ZNF394: variants seen among roughly 807,000 people sequenced by gnomAD.
ZNF394 encodes the protein zinc finger protein 99.
A neutral mutation model predicts 21.8 loss-of-function variants in ZNF394; 19 were observed. That is an observed-to-expected ratio of 0.87 (90% CI 0.61 to 1.28). The LOEUF (loss-of-function observed/expected upper bound fraction) is 1.28. Among genes scored for constraint, ZNF394 ranks in the 50% most tolerant of loss-of-function variants. The pLI is 0.00. For synonymous variants in ZNF394, 294 were observed against 273.3 expected, an observed-to-expected ratio of 1.08 and a Z score of -0.75; for missense variants, 683 against 708.6, an observed-to-expected ratio of 0.96 and a Z score of 0.41.
At chr7:99,489,000 G>A (rs543206686), downstream of ZNF394, among the ~76,000 whole-genome samples, 101 of 147,282 alleles carry the variant, frequency 6.9e-4, no homozygotes, top group Non-Finnish European at 1.2e-3. Context: ...AGAGTTGTAA[G>A]TCAGCCCGGC....
rs767291882 is a variant in ZNF394 at position 99,499,975 on chromosome 7, T to C, written c.119A>G (p.Lys40Arg). 6.2e-7 allele frequency: 1 copy of C among 1,613,434 alleles called. No individual in the cohort carries two copies. The highest frequency in any genetic ancestry group is 8.5e-7 in the Non-Finnish European group (1 of 1,180,012). The part of the protein sequence containing the change: ...PSQRDGLLPV[K>R]VEEDSPGSWE... ...ACTTCCGGGTGAGTCTTCCTCCACTTTCACGGGCAAAAGTCCGTCGCGTTG... is the reference window on the plus strand; with the variant it reads ...ACTTCCGGGTGAGTCTTCCTCCACTCTCACGGGCAAAAGTCCGTCGCGTTG... Residue 40 changes from lysine to arginine, a missense_variant, in exon 1 of 3, where the codon AAA (lysine) becomes AGA (arginine). Physicochemically the swap from Lys to Arg is conservative, Grantham distance 26 (BLOSUM62 2). This residue lies in a region of ZNF394 where 402 missense variants were observed against 373.8 expected (regional missense o/e 1.08). Coordinates refer to ENST00000337673, the MANE Select transcript of ZNF394 (RefSeq NM_032164.4).
chr7:99,494,560 CCT>C lies in ZNF394; in HGVS notation c.653_654del (p.Gln218ArgfsTer16). The C allele has an allele frequency of 6.2e-7, 1 of 1,610,190 alleles. No homozygotes were observed. The highest frequency in any genetic ancestry group is 8.5e-7 in the Non-Finnish European group (1 of 1,179,098). ...MQQILEEAEP[Q>X]GQLQEAFQGK... ...CCCTGGAACGCTTCTTGTAGTTGCC[CCT>C]GTGGCTCCGCTTCTTCTAAAATTTG... On this transcript the variant is annotated frameshift_variant, in exon 3 of 3. Coordinates refer to ENST00000337673, the MANE Select transcript of ZNF394 (RefSeq NM_032164.4). LOFTEE classifies it low-confidence loss of function (END_TRUNC).
Position 99,499,924 on chromosome 7 carries a change from G to A in ZNF394, c.170C>T (p.Ser57Leu), listed in dbSNP as rs1306098241. 6.2e-7 allele frequency: 1 copy of A among 1,614,076 alleles called. No individual in the cohort carries two copies. Among genetic ancestry groups the A allele is most frequent in the Non-Finnish European group, 8.5e-7 (1 of 1,180,022 alleles). The change falls in exon 1 of 3, where the codon TCG (serine) becomes TTG (leucine). Residue 57 changes from serine (S) to leucine (L), a missense_variant. This residue lies in a region of ZNF394 where 402 missense variants were observed against 373.8 expected (regional missense o/e 1.08). Transcript: ENST00000337673. ...CAGTCGAGAAGTTTCGGGGTCCGGC[G>A]AAGCCGCGGGATAGTTGGGCTCCCA... The part of the protein sequence containing the change: ...GSWEPNYPAA[S>L]PDPETSRLHF...
In ZNF394 at chr7:99,493,966, G is replaced by A; in HGVS notation, c.1249C>T (p.Leu417=). 6.2e-7 allele frequency: 1 copy of A among 1,614,246 alleles called. No individual in the cohort carries two copies. The highest frequency in any genetic ancestry group is 8.5e-7 in the Non-Finnish European group (1 of 1,180,048). The part of the protein sequence containing the change: ...THTGEKPYTC[L]KCGERFRQNS... ...TGCCTGAAGCGCTCCCCACATTTCA[G>A]ACAGGTGTACGGCTTCTCGCCTGTG... The change falls in exon 3 of 3, where the codon CTG becomes TTG. Residue 417 remains leucine (L), a synonymous_variant. Transcript: ENST00000337673.
chr7:99,486,812 A>G, exon 2 of ZNF394: 1 of 1,614,254 alleles, frequency 6.2e-7, no homozygotes, highest in African/African-American at 1.3e-5. Context: ...GCAAAGTCTT[A>G]TGAATGCAGT....
intron 1 of ZNF394, chr7:99,487,030 G>C: frequency 6.2e-7 from 1 of 1,614,010 alleles, no homozygotes; most frequent in Non-Finnish European, 8.5e-7. Flanking sequence ...GTATCTTGTT[G>C]AACATAAGAG....
chr7:99,494,012 C>A lies in ZNF394; in HGVS notation c.1203G>T (p.Leu401=). ...CTGTGTGTGTCCTCTGGTGCTTGGT[C>A]AGGGCAGCACTCTGGCTGAAGCTTT... ...CGKSFSQSAA[L]TKHQRTHTGE... Residue 401 remains leucine, a synonymous_variant, in exon 3 of 3, where the codon CTG becomes CTT. Transcript: ENST00000337673. The A allele has an allele frequency of 6.2e-7, 1 of 1,614,042 alleles. No individual in the cohort carries two copies. The highest frequency in any genetic ancestry group is 1.1e-5 in the South Asian group (1 of 91,068).
chr7:99,489,707 T>C (rs1259866426), downstream of ZNF394, among the ~76,000 whole-genome samples: 1 of 152,214 alleles, frequency 6.6e-6, no homozygotes. Flanking sequence ...CCCTTCTGTT[T>C]CCACAATTAT....
In ZNF394 at chr7:99,499,763, G is replaced by A. The variant is rs201976086; in HGVS notation, c.331C>T (p.Gln111Ter). The A allele has an allele frequency of 6.2e-7, 1 of 1,614,156 alleles. No individual in the cohort carries two copies. The highest frequency in any genetic ancestry group is 8.5e-7 in the Non-Finnish European group (1 of 1,180,036). Residue 111 changes from glutamine to a stop codon, truncating the protein, a stop_gained, in exon 1 of 3, where the codon CAG becomes TAG. Transcript: ENST00000337673. LOFTEE classifies it high-confidence loss of function. ...TCCTCGGGCAGGATGGTGAGGAACT[G>A]CTCCAGCACCAGCAGCTCCAGGATC... ...EQILELLVLEQFLTILPEELQ... is the reference protein window; with the variant it reads ...EQILELLVLE
chr7:99,488,757 G>C (rs564330267), downstream of ZNF394, among the ~76,000 whole-genome samples: 2 of 149,036 alleles, frequency 1.3e-5, no homozygotes, highest in East Asian at 4.0e-4. Flanking sequence ...GTGAAACCCC[G>C]TCTCTACTAA....
At chr7:99,498,528 T>C (rs1800407571) in intron 2 of ZNF394, 188 bp downstream of exon 2, 1 of 687,226 alleles carries the variant, frequency 1.5e-6, no homozygotes, top group African/African-American at 1.8e-5. Context: ...GTATAAAACA[T>C]TAAAAATGAA....
chr7:99,490,624 CTTT>C (rs35117471), downstream of ZNF394, among the ~76,000 whole-genome samples: 4 of 141,194 alleles, frequency 2.8e-5, no homozygotes, highest in African/African-American at 7.7e-5. Flanking sequence ...AAAGTGAGAC[CTTT>C]TTTTTTTTTT....
chr7:99,489,141 G>C (rs373325659), downstream of ZNF394, among the ~76,000 whole-genome samples: 1 of 151,262 alleles, frequency 6.6e-6, no homozygotes, highest in African/African-American at 2.4e-5. Context: ...AAAATTAGCC[G>C]AGCATGGTGG....
intron 2 of ZNF394, among the ~76,000 whole-genome samples, chr7:99,497,114 G>GTATATATA (rs1347859430): frequency 1.3e-4 from 15 of 116,608 alleles, no homozygotes; most frequent in African/African-American, 5.7e-4. Flanking sequence ...GTGTGTGTGT[G>GTATATATA]TGTGTGTGTA....
chr7:99,497,106 GTGTGTGT>G (rs1038790004), intron 2 of ZNF394, among the ~76,000 whole-genome samples: 3 of 117,260 alleles, frequency 2.6e-5, no homozygotes, highest in Non-Finnish European at 4.8e-5. Flanking sequence ...GTGTGTGTGT[GTGTGTGT>G]GTGTGTGTGT....
Position 99,499,755 on chromosome 7 carries a change from G to A in ZNF394, c.339C>T (p.Leu113=). 6.2e-7 allele frequency: 1 copy of A among 1,614,160 alleles called. No homozygotes were observed. The highest frequency in any genetic ancestry group is 8.5e-7 in the Non-Finnish European group (1 of 1,180,052). The change falls in exon 1 of 3, where the codon CTC becomes CTT. Residue 113 remains leucine (L), a synonymous_variant. Transcript: ENST00000337673. The part of the protein sequence containing the change: ...ILELLVLEQF[L]TILPEELQAW... ...CTTGAAGCTCCTCGGGCAGGATGGTGAGGAACTGCTCCAGCACCAGCAGCT... is the reference window on the plus strand; with the variant it reads ...CTTGAAGCTCCTCGGGCAGGATGGTAAGGAACTGCTCCAGCACCAGCAGCT...
chr7:99,487,734 C>A, intron 1 of ZNF394: 1 of 432,010 alleles, frequency 2.3e-6, no homozygotes, highest in Admixed American at 4.1e-5. Context: ...CCTCCAGTCC[C>A]AGCTACTAAG....
chr7:99,496,004 C>G (rs1800296336), intron 2 of ZNF394, among the ~76,000 whole-genome samples: 1 of 152,132 alleles, frequency 6.6e-6, no homozygotes, highest in African/African-American at 2.4e-5. Flanking sequence ...TCACTGCAAC[C>G]TCCACCTCCC....
At position 99,493,713 on chromosome 7, in the gene ZNF394, A is replaced by G; in HGVS notation, c.1502T>C (p.Val501Ala). The change falls in exon 3 of 3, where the codon GTC (valine) becomes GCC (alanine). Residue 501 changes from valine (V) to alanine (A), a missense_variant. Val to Ala is a moderately conservative substitution (Grantham distance 64, BLOSUM62 0). This residue lies in a region of ZNF394 where 274 missense variants were observed against 314.1 expected (regional missense o/e 0.87). Transcript: ENST00000337673. Reference sequence around the variant, plus strand: ...ACTCTGATTGAAGCGTTTCCCACAGACGGAACATCCATAGGGCTTCTCCCC... The same window carrying G: ...ACTCTGATTGAAGCGTTTCCCACAGGCGGAACATCCATAGGGCTTCTCCCC... ...HTGEKPYGCS[V>A]CGKRFNQSAT... is the part of the protein sequence containing the mutation. 1 of 1,614,092 alleles carries G rather than the reference A, an allele frequency of 6.2e-7. No individual in the cohort carries two copies. The highest frequency in any genetic ancestry group is 8.5e-7 in the Non-Finnish European group (1 of 1,180,014).
Sources: gnomAD v4.1 joint callset for allele counts (sites outside exome capture counted in the v4.1 genomes callset) on GRCh38, gnomAD v4.1.1 for gene constraint, gnomAD v4.1.1 regional missense constraint, MANE v1.5 for transcripts, NCBI Gene and HGNC (gene_info 2026-07-23, HGNC 2026-07-21) for gene names.